Variants in SNAI2 observed in about 807,000 individuals in gnomAD.
SNAI2 encodes the protein snail family transcriptional repressor 2, also known as zinc finger protein SNAI2.
In SNAI2, 2 loss-of-function variants were observed where a neutral mutation model predicts 22.4. That is an observed-to-expected ratio of 0.09 (90% confidence interval 0.04 to 0.28). The LOEUF is 0.28. SNAI2 is among the 10% of genes least tolerant of loss of function. The probability of loss-of-function intolerance (pLI) is 1.00; values close to 1 mark genes in which losing one functional copy is unlikely to be tolerated. For missense variants in SNAI2, 239 were observed against 320.8 expected, an observed-to-expected ratio of 0.75 and a Z score of 1.95; for synonymous variants, 134 against 123.0, an observed-to-expected ratio of 1.09 and a Z score of -0.59.
chr8:48,918,647 C>T lies in SNAI2; in HGVS notation c.*160G>A. 1.5e-6 allele frequency: 1 copy of T among 676,316 alleles called. No individual in the cohort carries two copies. Among genetic ancestry groups the T allele is most frequent in the Non-Finnish European group, 2.6e-6 (1 of 382,588 alleles). 41.9% of individuals were successfully genotyped at this position (676,316 alleles called of 1,614,324 possible). On this transcript the variant is annotated 3_prime_UTR_variant, in exon 3 of 3. Coordinates refer to ENST00000020945, the MANE Select transcript of SNAI2 (RefSeq NM_003068.5). Reference sequence around the variant, plus strand: ...ACATGAATTCCATGCTCTTGCAGCTCTCTCTCTGTGGGTGTGTGTGTGTGT... The same window carrying T: ...ACATGAATTCCATGCTCTTGCAGCTTTCTCTCTGTGGGTGTGTGTGTGTGT...
chr8:48,921,192 T>G lies in SNAI2; in HGVS notation c.74A>C (p.His25Pro). 6.2e-7 allele frequency: 1 copy of G among 1,611,146 alleles called. No individual in the cohort carries two copies. Among genetic ancestry groups the G allele is most frequent in the Non-Finnish European group, 8.5e-7 (1 of 1,177,468 alleles). Residue 25 changes from histidine (H) to proline (P), a missense_variant, in exon 1 of 3, where the codon CAT becomes CCT. Physicochemically the swap from His to Pro is moderately conservative, Grantham distance 77. This residue lies in a region of SNAI2 where 183 missense variants were observed against 190.4 expected (regional missense o/e 0.96). Transcript: ENST00000020945. ...KKPNYSELDT[H>P]TVIISPYLYE... is the part of the protein sequence containing the mutation. ...ATATATTTTTCTCTTTTTACCTGTATGTGTGTCCAGTTCGCTGTAGTTTGG... is the reference window on the plus strand; with the variant it reads ...ATATATTTTTCTCTTTTTACCTGTAGGTGTGTCCAGTTCGCTGTAGTTTGG...
rs548194624 is a variant in SNAI2, at chr8:48,921,341, C to T, written c.-76G>A. 12 of 1,188,208 alleles carry T rather than the reference C, an allele frequency of 1.0e-5. No homozygotes were observed. In the South Asian group the frequency reaches 1.1e-4, roughly 11 times the overall value. 73.6% of individuals were successfully genotyped at this position (1,188,208 alleles called of 1,614,324 possible). A position where few individuals can be genotyped will look rare whatever the true frequency, so the allele number is the denominator to read the frequency against. ...GGACACGGCGGTCCCTACAGCATCG[C>T]GGCGGGCCAGGCTCGGGCAGGGGCC... is the stretch of plus-strand genomic sequence containing the variant. On this transcript the variant is annotated 5_prime_UTR_variant, in exon 1 of 3. Coordinates refer to ENST00000020945, the MANE Select transcript of SNAI2 (RefSeq NM_003068.5).
rs906901646 is a variant in SNAI2 at position 48,918,203 on chromosome 8, A to G, written c.*604T>C. On this transcript the variant is annotated 3_prime_UTR_variant, in exon 3 of 3. Coordinates refer to ENST00000020945, the MANE Select transcript of SNAI2 (RefSeq NM_003068.5). ...ATTGGCAAAAACAAAACAAAACAAA[A>G]ATACTTTTAATACATTCTCCTGTGT... 6 of 152,504 alleles carry G rather than the reference A, an allele frequency of 3.9e-5. No homozygotes were observed. Among genetic ancestry groups the G allele is most frequent in the African/African-American group, 1.4e-4 (6 of 41,442 alleles). The allele number at this position is 152,504 out of a possible 1,614,324, so 9.4% of individuals were successfully genotyped here.
intron 1 of SNAI2, 53 bp downstream of exon 1, chr8:48,921,134 C>T: frequency 7.9e-7 from 1 of 1,260,956 alleles, no homozygotes; most frequent in Non-Finnish European, 1.2e-6. Context: ...TACGTAGATT[C>T]ATATTTGCAA....
rs1480028878 is a variant in SNAI2, at chr8:48,921,339, C to G, written c.-74G>C. Reference sequence around the variant, plus strand: ...GAGGACACGGCGGTCCCTACAGCATCGCGGCGGGCCAGGCTCGGGCAGGGG... The same window carrying G: ...GAGGACACGGCGGTCCCTACAGCATGGCGGCGGGCCAGGCTCGGGCAGGGG... On this transcript the variant is annotated 5_prime_UTR_variant, in exon 1 of 3. Transcript: ENST00000020945. 2 of 1,194,678 alleles carry G rather than the reference C, an allele frequency of 1.7e-6. No homozygotes were observed. Among genetic ancestry groups the G allele is most frequent in the Non-Finnish European group, 2.5e-6 (2 of 809,252 alleles). The allele number at this position is 1,194,678 out of a possible 1,614,324, so 74.0% of individuals were successfully genotyped here.
At position 48,920,341 on chromosome 8, in the gene SNAI2, A is replaced by G. The variant is rs1293075910; in HGVS notation, c.180T>C (p.Thr60=). 6.2e-7 allele frequency: 1 copy of G among 1,613,024 alleles called. No individual in the cohort carries two copies. The highest frequency in any genetic ancestry group is 1.1e-5 in the South Asian group (1 of 91,026). The change falls in exon 2 of 3, where the codon ACT becomes ACC. Residue 60 remains threonine, a synonymous_variant. Coordinates refer to ENST00000020945, the MANE Select transcript of SNAI2 (RefSeq NM_003068.5). ...GCTGGGCGTGGAATGGAGCAGCGGT[A>G]GTCCACACAGTGATGGGGCTGTATG... is the stretch of plus-strand genomic sequence containing the variant. ...SGAYSPITVW[T]TAAPFHAQLP... is the part of the protein sequence containing the mutation.
At chr8:48,919,127 A>G in intron 2 of SNAI2, 139 bp from the exon 3 acceptor site, 1 of 733,286 alleles carries the variant, frequency 1.4e-6, no homozygotes, top group Non-Finnish European at 2.2e-6. Context: ...ATCCCTCATA[A>G]TAGACACTTT....
intron 2 of SNAI2, 75 bp from the exon 3 acceptor site, chr8:48,919,063 C>T (rs1162441362): frequency 6.9e-7 from 1 of 1,444,916 alleles, no homozygotes; most frequent in Non-Finnish European, 9.6e-7. Context: ...ATCATGTTAA[C>T]AAAAGTCAAT....
Position 48,918,661 on chromosome 8 carries a change from GT to G in SNAI2, c.*145del. ...CTCTTGCAGCTCTCTCTCTGTGGGT[GT>G]GTGTGTGTGTGTGTGCATATGTGTG... On this transcript the variant is annotated 3_prime_UTR_variant, in exon 3 of 3. Coordinates refer to ENST00000020945, the MANE Select transcript of SNAI2 (RefSeq NM_003068.5). 4.4e-6 allele frequency: 3 copies of G among 683,954 alleles called. No homozygotes were observed. The highest frequency in any genetic ancestry group is 3.4e-5 in the South Asian group (2 of 59,594). The allele number at this position is 683,954 out of a possible 1,614,324, so 42.4% of individuals were successfully genotyped here.
At position 48,921,378 on chromosome 8, in the gene SNAI2, C is replaced by T; in HGVS notation, c.-113G>A. The stretch of plus-strand genomic sequence containing the variant: ...CTCGGGCAGGGGCCGTGCTCAGGTG[C>T]GGCAGACGGACGGGCCGGCGCCTCT... On this transcript the variant is annotated 5_prime_UTR_variant, in exon 1 of 3. Coordinates refer to ENST00000020945, the MANE Select transcript of SNAI2 (RefSeq NM_003068.5). The T allele has an allele frequency of 7.3e-6, 6 of 823,018 alleles. No homozygotes were observed. Among genetic ancestry groups the T allele is most frequent in the Non-Finnish European group, 1.2e-5 (6 of 481,378 alleles). The allele number at this position is 823,018 out of a possible 1,614,324, so 51.0% of individuals were successfully genotyped here. A position where few individuals can be genotyped will look rare whatever the true frequency, so the allele number is the denominator to read the frequency against.
rs1447565001 is a variant in SNAI2, at chr8:48,918,785, G to A, written c.*22C>T. On this transcript the variant is annotated 3_prime_UTR_variant, in exon 3 of 3. Transcript: ENST00000020945. Reference sequence around the variant, plus strand: ...CGGAGTGAAGAAATGCATTCTGTTCGAGTAAACATTGATTGCGTCACTCAG... The same window carrying A: ...CGGAGTGAAGAAATGCATTCTGTTCAAGTAAACATTGATTGCGTCACTCAG... 21 of 1,612,878 alleles carry A rather than the reference G, an allele frequency of 1.3e-5. 1 individual carries two copies. The highest frequency in any genetic ancestry group is 3.3e-4 in the Middle Eastern group (2 of 6,082).
chr8:48,920,536 A>T, intron 1 of SNAI2, 95 bp from the exon 2 acceptor site: 1 of 1,125,386 alleles, frequency 8.9e-7, no homozygotes, highest in South Asian at 1.3e-5. Flanking sequence ...ATATTTAGCA[A>T]CACACACGTG....
chr8:48,921,103 G>T (rs1449981467), intron 1 of SNAI2, 84 bp downstream of exon 1: 2 of 1,008,738 alleles, frequency 2.0e-6, no homozygotes. Context: ...TGGCTCTTTT[G>T]TAATGGTATT....
chr8:48,921,383 G>A lies in SNAI2; in HGVS notation c.-118C>T. 2 of 794,578 alleles carry A rather than the reference G, an allele frequency of 2.5e-6. No homozygotes were observed. The highest frequency in any genetic ancestry group is 4.4e-6 in the Non-Finnish European group (2 of 457,834). The allele number at this position is 794,578 out of a possible 1,614,324, so 49.2% of individuals were successfully genotyped here. A position where few individuals can be genotyped will look rare whatever the true frequency, so the allele number is the denominator to read the frequency against. On this transcript the variant is annotated 5_prime_UTR_variant, in exon 1 of 3. Transcript: ENST00000020945. ...GCAGGGGCCGTGCTCAGGTGCGGCAGACGGACGGGCCGGCGCCTCTGAAGT... is the reference window on the plus strand; with the variant it reads ...GCAGGGGCCGTGCTCAGGTGCGGCAAACGGACGGGCCGGCGCCTCTGAAGT...
chr8:48,919,804 G>A (rs778081862), intron 2 of SNAI2, 92 bp downstream of exon 2: 7 of 1,315,192 alleles, frequency 5.3e-6, no homozygotes, highest in Non-Finnish European at 7.7e-6. Context: ...ATCATTAAAA[G>A]CACTATGTCA....
At position 48,920,084 on chromosome 8, in the gene SNAI2, T is replaced by C. The variant is rs759405037; in HGVS notation, c.437A>G (p.His146Arg). 40 of 1,614,106 alleles carry C rather than the reference T, an allele frequency of 2.5e-5. No homozygotes were observed. The highest frequency in any genetic ancestry group is 1.7e-6 in the Non-Finnish European group (2 of 1,180,044). ...CTGGGCATCGCAGTGCAGCTGCTTA[T>C]GTTTGGCCAGCCCAGAAAAAGTTGA... ...TYSTFSGLAK[H>R]KQLHCDAQSR... Residue 146 changes from histidine to arginine, a missense_variant, in exon 2 of 3, where the codon CAT (histidine) becomes CGT (arginine). Physicochemically the swap from His to Arg is conservative, Grantham distance 29. Coordinates refer to ENST00000020945, the MANE Select transcript of SNAI2 (RefSeq NM_003068.5).
rs902170735 is a variant in SNAI2, at chr8:48,921,311, C to T, written c.-46G>A. ...GCGCCCGGCGCGGATAACGGTCCGG[C>T]GGGAGGACACGGCGGTCCCTACAGC... On this transcript the variant is annotated 5_prime_UTR_variant, in exon 1 of 3. Transcript: ENST00000020945. The T allele has an allele frequency of 3.5e-6, 5 of 1,443,090 alleles. No homozygotes were observed. The highest frequency in any genetic ancestry group is 4.8e-6 in the Non-Finnish European group (5 of 1,031,894). 89.4% of individuals were successfully genotyped at this position (1,443,090 alleles called of 1,614,324 possible).
rs1806160959 is a variant in SNAI2 at position 48,921,389 on chromosome 8, CG to C, written c.-125del. 1.3e-6 allele frequency: 1 copy of C among 766,328 alleles called. No homozygotes were observed. The highest frequency in any genetic ancestry group is 1.9e-5 in the Admixed American group (1 of 51,942). 47.5% of individuals were successfully genotyped at this position (766,328 alleles called of 1,614,324 possible). A position where few individuals can be genotyped will look rare whatever the true frequency, so the allele number is the denominator to read the frequency against. ...GCCGTGCTCAGGTGCGGCAGACGGACGGGCCGGCGCCTCTGAAGTCACCCGG... is the reference window on the plus strand; with the variant it reads ...GCCGTGCTCAGGTGCGGCAGACGGACGGCCGGCGCCTCTGAAGTCACCCGG... On this transcript the variant is annotated 5_prime_UTR_variant, in exon 1 of 3. Coordinates refer to ENST00000020945, the MANE Select transcript of SNAI2 (RefSeq NM_003068.5).
rs1806145173 is a variant in SNAI2, at chr8:48,920,420, TAG to T, written c.99_100del (p.Tyr34Ter). The stretch of plus-strand genomic sequence containing the variant: ...TATGACAGGCATGGAGTAACTCTCA[TAG>T]AGATACGGGGAAATAATCACTGGGA... On this transcript the variant is annotated frameshift_variant, in exon 2 of 3. Transcript: ENST00000020945. LOFTEE classifies it high-confidence loss of function. 6.2e-7 allele frequency: 1 copy of T among 1,613,684 alleles called. No homozygotes were observed. The highest frequency in any genetic ancestry group is 8.5e-7 in the Non-Finnish European group (1 of 1,179,864).
Sources: gnomAD v4.1 joint callset for allele counts on GRCh38, gnomAD v4.1.1 for gene constraint, gnomAD v4.1.1 regional missense constraint, MANE v1.5 for transcripts, NCBI Gene and HGNC (gene_info 2026-07-23, HGNC 2026-07-21) for gene names.